Variants in CCR7 observed in about 807,000 individuals in gnomAD.
CCR7 encodes C-C chemokine receptor type 7.
CCR7 carries 11 observed loss-of-function variants against 26.0 expected under a neutral mutation model. That is an observed-to-expected ratio of 0.42 (90% CI 0.27 to 0.70). The LOEUF is 0.70. CCR7 is among the 30% of genes least tolerant of loss of function. The probability of loss-of-function intolerance (pLI) is 0.23; values close to 1 mark genes in which losing one functional copy is unlikely to be tolerated. For missense variants in CCR7, 360 were observed against 504.0 expected (o/e 0.71, Z 2.74); for synonymous variants, 189 against 202.1 (o/e 0.94, Z 0.55).
intron 1 of CCR7, among the ~76,000 whole-genome samples, chr17:40,562,176 C>T (rs1050969237): frequency 7.9e-5 from 12 of 152,180 alleles, no homozygotes; most frequent in South Asian, 4.1e-4. Context: ...TCCTTCTGTG[C>T]GGCCACTGGG....
chr17:40,564,492 A>G (rs1327944888), intron 1 of CCR7, among the ~76,000 whole-genome samples: 1 of 152,158 alleles, frequency 6.6e-6, no homozygotes, highest in South Asian at 2.1e-4. Flanking sequence ...TGCTGGTGAG[A>G]CAAGCCATCT....
intron 1 of CCR7, among the ~76,000 whole-genome samples, chr17:40,561,707 C>T (rs2036657442): frequency 6.6e-6 from 1 of 152,190 alleles, no homozygotes; most frequent in South Asian, 2.1e-4. Context: ...CAGGAAATCA[C>T]AGTTGCCCAA....
chr17:40,559,692 T>C lies in CCR7; in HGVS notation c.11-750A>G, dbSNP rs557962927. Among the ~76,000 whole-genome samples the C allele has an allele frequency of 2.8e-4, 42 of 152,338 alleles. No homozygotes were observed. In the South Asian group the frequency reaches 8.7e-3, roughly 32 times the overall value. ...GACAGAGATCCCTTCCCTTTTATCT[T>C]GTGCAGGCCCAGAATTGAGGAGGTG... On this transcript the variant is annotated intron_variant, in intron 1 of 2. Coordinates refer to ENST00000246657, the MANE Select transcript of CCR7 (RefSeq NM_001838.4).
At chr17:40,556,056 G>A (rs1046961538) in intron 2 of CCR7, among the ~76,000 whole-genome samples, 6 of 151,996 alleles carry the variant, frequency 3.9e-5, no homozygotes, top group Non-Finnish European at 8.8e-5. Flanking sequence ...ACAGCCTTAT[G>A]CCACCACACC....
At chr17:40,562,488 A>G (rs559196795) in intron 1 of CCR7, among the ~76,000 whole-genome samples, 4 of 152,150 alleles carry the variant, frequency 2.6e-5, no homozygotes, top group African/African-American at 9.6e-5. Flanking sequence ...CCCGGCCCCC[A>G]AAAGAGCCGG....
At chr17:40,563,979 C>T (rs1045790179) in intron 1 of CCR7, among the ~76,000 whole-genome samples, 17 of 152,054 alleles carry the variant, frequency 1.1e-4, no homozygotes, top group African/African-American at 3.4e-4. Flanking sequence ...CGGGGAGCTG[C>T]TTTTCAAATG....
chr17:40,555,820 T>G lies in CCR7; in HGVS notation c.61-2A>C, dbSNP rs1217957154. ...GACCTCATCTTGACACAGGCATACC[T>G]TCGGGGAAGGAAATGAGGGAAAACA... is the stretch of plus-strand genomic sequence containing the variant. On this transcript the variant is annotated splice_acceptor_variant, in intron 2 of 2. Coordinates refer to ENST00000246657, the MANE Select transcript of CCR7 (RefSeq NM_001838.4). LOFTEE classifies it high-confidence loss of function. The surrounding 1 kb of genome is among the most constrained non-coding windows in gnomAD (Gnocchi z 5.6). The G allele has an allele frequency of 6.2e-7, 1 of 1,606,370 alleles. No individual in the cohort carries two copies.
rs746049008 is a variant in CCR7, at chr17:40,555,188, C to T, written c.691G>A (p.Gly231Ser). Residue 231 changes from glycine to serine, a missense_variant, in exon 3 of 3, where the codon GGC (glycine) becomes AGC (serine). Transcript: ENST00000246657. The surrounding 1 kb of genome is among the most constrained non-coding windows in gnomAD (Gnocchi z 5.6). ...ITIQVAQMVI[G>S]FLVPLLAMSF... ...ATGGCCAGCAGGGGGACCAGAAAGCCGATCACCATCTGGGCCACCTGGATG... is the reference window on the plus strand; with the variant it reads ...ATGGCCAGCAGGGGGACCAGAAAGCTGATCACCATCTGGGCCACCTGGATG... The T allele has an allele frequency of 6.8e-6, 11 of 1,614,042 alleles. No homozygotes were observed. Among genetic ancestry groups the T allele is most frequent in the African/African-American group, 1.3e-5 (1 of 74,918 alleles).
Position 40,554,293 on chromosome 17 carries a change from A to T in CCR7, c.*449T>A, listed in dbSNP as rs556638729. The T allele has an allele frequency of 5.4e-4, 85 of 157,078 alleles. No individual in the cohort carries two copies. The South Asian group carries it at 0.017, about 31-fold the overall frequency. 9.7% of individuals were successfully genotyped at this position (157,078 alleles called of 1,614,324 possible). On this transcript the variant is annotated 3_prime_UTR_variant, in exon 3 of 3. Transcript: ENST00000246657. ...CCTCACCAAGCCAAGAAGTCTCCCC[A>T]CTATCTCTGGTCTTGGAGATAAGGC...
At chr17:40,560,961 C>G (rs948135688) in intron 1 of CCR7, 6 of 152,460 alleles carry the variant, frequency 3.9e-5, no homozygotes, top group African/African-American at 1.4e-4. Flanking sequence ...TTACGCCCAA[C>G]CACACTCTTC....
Position 40,555,643 on chromosome 17 carries a change from A to T in CCR7, c.236T>A (p.Val79Asp). 3.7e-6 allele frequency: 6 copies of T among 1,614,180 alleles called. No homozygotes were observed. Among genetic ancestry groups the T allele is most frequent in the Non-Finnish European group, 5.1e-6 (6 of 1,180,034 alleles). ...CTTGAAATAGATATAGGTCAACACG[A>T]CCAGCCCATTGCCCAGTAGGCCCAC... is the stretch of plus-strand genomic sequence containing the variant. ...CFVGLLGNGL[V>D]VLTYIYFKRL... The change falls in exon 3 of 3, where the codon GTC (valine) becomes GAC (aspartate). Residue 79 changes from valine (V) to aspartate (D), a missense_variant. Physicochemically the swap from Val to Asp is radical, Grantham distance 152. Coordinates refer to ENST00000246657, the MANE Select transcript of CCR7 (RefSeq NM_001838.4). This position sits in a 1 kb window ranked among gnomAD's most constrained non-coding sequence, Gnocchi z 5.6.
chr17:40,553,884 A>G lies in CCR7; in HGVS notation c.*858T>C, dbSNP rs1380924365. ...TGCTCTCTTAACGAATCGAAAGCAGAACATGAGGAGAGGTTTTCAGTCCCT... is the reference window on the plus strand; with the variant it reads ...TGCTCTCTTAACGAATCGAAAGCAGGACATGAGGAGAGGTTTTCAGTCCCT... On this transcript the variant is annotated 3_prime_UTR_variant, in exon 3 of 3. Coordinates refer to ENST00000246657, the MANE Select transcript of CCR7 (RefSeq NM_001838.4). The G allele has an allele frequency of 1.3e-5, 2 of 152,206 alleles. No homozygotes were observed. Among genetic ancestry groups the G allele is most frequent in the Non-Finnish European group, 2.9e-5 (2 of 68,036 alleles). The allele number at this position is 152,206 out of a possible 1,614,324, so 9.4% of individuals were successfully genotyped here.
chr17:40,560,240 C>T (rs1190338710), intron 1 of CCR7, among the ~76,000 whole-genome samples: 1 of 152,256 alleles, frequency 6.6e-6, no homozygotes, highest in African/African-American at 2.4e-5. Context: ...CAGTAGCCCT[C>T]TTCCCGTATC....
intron 1 of CCR7, among the ~76,000 whole-genome samples, chr17:40,562,883 A>G (rs11078949): frequency 0.13 from 20,491 of 152,010 alleles, 4,542 homozygotes; most frequent in African/African-American, 0.47. Flanking sequence ...TAGGTGGGGC[A>G]TGCACCCTCT....
At chr17:40,559,083 C>T (rs971472819) in intron 1 of CCR7, 141 bp from the exon 2 acceptor site, 2 of 670,758 alleles carry the variant, frequency 3.0e-6, no homozygotes, top group Non-Finnish European at 5.1e-6. Flanking sequence ...AACATCAGAA[C>T]CAGATTGTGC....
Position 40,555,694 on chromosome 17 carries a change from G to A in CCR7, c.185C>T (p.Pro62Leu). 1 of 1,614,156 alleles carries A rather than the reference G, an allele frequency of 6.2e-7. No individual in the cohort carries two copies. The highest frequency in any genetic ancestry group is 8.5e-7 in the Non-Finnish European group (1 of 1,180,020). ...GAAACAAATGATGGAGTACATGATAGGGAGGAACCAGGCTTTAAAGTTCCG... is the reference window on the plus strand; with the variant it reads ...GAAACAAATGATGGAGTACATGATAAGGAGGAACCAGGCTTTAAAGTTCCG... Reference protein sequence around the residue: ...DVRNFKAWFLPIMYSIICFVG... With the variant: ...DVRNFKAWFLLIMYSIICFVG... Residue 62 changes from proline to leucine, a missense_variant, in exon 3 of 3, where the codon CCT (proline) becomes CTT (leucine). Coordinates refer to ENST00000246657, the MANE Select transcript of CCR7 (RefSeq NM_001838.4). This position sits in a 1 kb window ranked among gnomAD's most constrained non-coding sequence, Gnocchi z 5.6.
At chr17:40,562,744 C>T (rs1212700918) in intron 1 of CCR7, among the ~76,000 whole-genome samples, 2 of 152,152 alleles carry the variant, frequency 1.3e-5, no homozygotes, top group Non-Finnish European at 2.9e-5. Context: ...TCCACCCTCC[C>T]CTCCGCTTGC....
At chr17:40,559,384 G>A (rs2036629244) in intron 1 of CCR7, among the ~76,000 whole-genome samples, 1 of 152,230 alleles carries the variant, frequency 6.6e-6, no homozygotes, top group Non-Finnish European at 1.5e-5. Context: ...TTCCAGCCCT[G>A]CTTTGGTGCT....
chr17:40,563,625 C>A (rs1026970998), intron 1 of CCR7, among the ~76,000 whole-genome samples: 3 of 152,154 alleles, frequency 2.0e-5, no homozygotes, highest in Non-Finnish European at 4.4e-5. Context: ...CCATCAACGG[C>A]CCAGAGAGCC....
Sources: allele counts gnomAD v4.1 joint callset (sites outside exome capture counted in the v4.1 genomes callset), GRCh38; gene constraint gnomAD v4.1.1; non-coding constraint Gnocchi (gnomAD v3.1); transcripts MANE v1.5; gene names NCBI Gene and HGNC (gene_info 2026-07-23, HGNC 2026-07-21).